The following HSPH1 variants were observed in gnomAD, a reference collection of about 807,000 sequenced individuals.
HSPH1 encodes the protein heat shock protein 105 kDa.
In HSPH1, 40 loss-of-function variants were observed where a neutral mutation model predicts 100.0. The observed-to-expected ratio is 0.40, with a 90% CI of 0.31 to 0.52. The LOEUF is 0.52. HSPH1 is among the 20% of genes least tolerant of loss of function. The pLI, the probability that HSPH1 is intolerant of heterozygous loss-of-function variation, is 0.54. For missense variants in HSPH1, 876 were observed against 1,015.1 expected (o/e 0.86, Z 1.86); for synonymous variants, 403 against 344.0 (o/e 1.17, Z -1.90).
rs1480080509 is a variant in HSPH1 at position 31,148,096 on chromosome 13, G to C, written c.1245-4C>G. ...TCGACTAAAGACTTCATGAACACTA[G>C]AGAGAAAAGAAAAAGGCATTCAGCA... On this transcript the variant is annotated splice_region_variant and splice_polypyrimidine_tract_variant and intron_variant, in intron 9 of 17. Coordinates refer to ENST00000320027, the MANE Select transcript of HSPH1 (RefSeq NM_006644.4). 4 of 1,602,272 alleles carry C rather than the reference G, an allele frequency of 2.5e-6. No individual in the cohort carries two copies. The highest frequency in any genetic ancestry group is 2.5e-6 in the Non-Finnish European group (3 of 1,176,802).
Position 31,137,298 on chromosome 13 carries a change from A to G in HSPH1, c.*20T>C. On this transcript the variant is annotated 3_prime_UTR_variant, in exon 18 of 18. Coordinates refer to ENST00000320027, the MANE Select transcript of HSPH1 (RefSeq NM_006644.4). The stretch of plus-strand genomic sequence containing the variant: ...CAAAAATATTTTATTAATTGAAGGA[A>G]TAGGCCAATTTAAGGTTATCTAGTC... The G allele has an allele frequency of 7.0e-7, 1 of 1,435,564 alleles. No individual in the cohort carries two copies. Among genetic ancestry groups the G allele is most frequent in the Non-Finnish European group, 9.7e-7 (1 of 1,026,876 alleles). The allele number at this position is 1,435,564 out of a possible 1,614,324, so 88.9% of individuals were successfully genotyped here.
chr13:31,149,065 G>A (rs766910497), intron 8 of HSPH1, among the ~76,000 whole-genome samples: 5 of 152,006 alleles, frequency 3.3e-5, no homozygotes, highest in Admixed American at 2.0e-4. Flanking sequence ...TTTACTATAG[G>A]ATCCTTCAAA....
intron 1 of HSPH1, among the ~76,000 whole-genome samples, chr13:31,161,223 ACCCTTAGAGT>A (rs1956894914): frequency 6.6e-6 from 1 of 151,912 alleles, no homozygotes; most frequent in South Asian, 2.1e-4. Flanking sequence ...CAAGGTGACG[ACCCTTAGAGT>A]CTCGACTCTG....
chr13:31,143,168 C>A (rs1046630891), intron 12 of HSPH1, among the ~76,000 whole-genome samples: 5 of 152,042 alleles, frequency 3.3e-5, no homozygotes. Flanking sequence ...TACGGTGATT[C>A]ATAGTTAACA....
chr13:31,152,628 A>T (rs1329984381), intron 5 of HSPH1: 1 of 306,766 alleles, frequency 3.3e-6, no homozygotes, highest in Non-Finnish European at 6.1e-6. Context: ...TTTTCAAAGG[A>T]TTAAAAAACA....
intron 12 of HSPH1, among the ~76,000 whole-genome samples, chr13:31,142,939 T>C (rs557481331): frequency 2.6e-5 from 4 of 152,170 alleles, no homozygotes; most frequent in Admixed American, 6.6e-5. Flanking sequence ...TCAGGACCCA[T>C]AGCTCACATT....
rs747723825 is a variant in HSPH1 at position 31,161,654 on chromosome 13, CGCCGCTTTCTGCCCTG to C, written c.-88_-73del. The stretch of plus-strand genomic sequence containing the variant: ...CCGGCCCCCTGCCTGCTTCTCCTGC[CGCCGCTTTCTGCCCTG>C]GCCGCGTTCTGCTCCGGCCCGCGGG... On this transcript the variant is annotated 5_prime_UTR_variant, in exon 1 of 18. Coordinates refer to ENST00000320027, the MANE Select transcript of HSPH1 (RefSeq NM_006644.4). The C allele has an allele frequency of 3.1e-6, 5 of 1,590,132 alleles. No homozygotes were observed. Among genetic ancestry groups the C allele is most frequent in the Non-Finnish European group, 4.3e-6 (5 of 1,174,002 alleles).
intron 8 of HSPH1, among the ~76,000 whole-genome samples, chr13:31,148,862 T>C (rs958593329): frequency 1.3e-5 from 2 of 152,072 alleles, no homozygotes; most frequent in African/African-American, 4.8e-5. Context: ...TTTCCAAATG[T>C]CTGAGAAACC....
upstream of HSPH1, chr13:31,162,166 G>A: frequency 1.5e-6 from 2 of 1,350,034 alleles, no homozygotes; most frequent in Non-Finnish European, 2.0e-6. Flanking sequence ...AGCCACAGGC[G>A]TTTTGCTGCC....
At chr13:31,153,048 T>C in intron 4 of HSPH1, 97 bp from the exon 5 acceptor site, 1 of 798,136 alleles carries the variant, frequency 1.3e-6, no homozygotes, top group Non-Finnish European at 2.1e-6. Context: ...TCCAGCTAAG[T>C]AGGTGCCTCG....
intron 11 of HSPH1, among the ~76,000 whole-genome samples, chr13:31,145,112 T>C (rs1196767100): frequency 1.3e-5 from 2 of 152,160 alleles, no homozygotes; most frequent in East Asian, 1.9e-4. Flanking sequence ...CCTCCCACCA[T>C]ACAGAAAACC....
At chr13:31,138,267 A>G in intron 17 of HSPH1, 140 bp downstream of exon 17, 1 of 762,624 alleles carries the variant, frequency 1.3e-6, no homozygotes, top group South Asian at 1.7e-5. Context: ...TTTGTGACAG[A>G]ATAATAGACT....
intron 13 of HSPH1, 45 bp from the exon 14 acceptor site, chr13:31,140,354 C>G: frequency 6.3e-7 from 1 of 1,576,618 alleles, no homozygotes; most frequent in Non-Finnish European, 8.6e-7. Flanking sequence ...CTAGTTAACT[C>G]AAGCTAAATT....
upstream of HSPH1, chr13:31,162,007 T>G (rs2137684762): frequency 2.0e-6 from 3 of 1,536,128 alleles, no homozygotes; most frequent in East Asian, 4.9e-5. Context: ...CCCCTCCACG[T>G]GCCACTTCCG....
intron 4 of HSPH1, 139 bp downstream of exon 4, chr13:31,154,494 C>G (rs758341786): frequency 1.0e-6 from 1 of 979,404 alleles, no homozygotes; most frequent in Non-Finnish European, 1.6e-6. Context: ...TTGTAATGCT[C>G]TGGAACACAT....
At chr13:31,141,319 A>C in intron 12 of HSPH1, 60 bp from the exon 13 acceptor site, 1 of 1,419,590 alleles carries the variant, frequency 7.0e-7, no homozygotes, top group Non-Finnish European at 9.6e-7. Flanking sequence ...AAAAACACAA[A>C]AAAAATGTCC....
chr13:31,145,797 A>G (rs1352571977), intron 10 of HSPH1, 29 bp from the exon 11 acceptor site: 8 of 1,596,312 alleles, frequency 5.0e-6, no homozygotes, highest in African/African-American at 1.3e-5. Flanking sequence ...AAATCACAAA[A>G]TCACAATTTA....
chr13:31,143,661 A>G (rs1381954538), intron 12 of HSPH1, 131 bp downstream of exon 12: 37 of 825,444 alleles, frequency 4.5e-5, no homozygotes, highest in Non-Finnish European at 3.6e-6. Context: ...ATACATAGAA[A>G]ATCAACAGAA....
rs568109260 is a variant in HSPH1 at position 31,135,632 on chromosome 13, G to A, written c.*1686C>T. On this transcript the variant is annotated 3_prime_UTR_variant, in exon 18 of 18. Coordinates refer to ENST00000320027, the MANE Select transcript of HSPH1 (RefSeq NM_006644.4). ...CACCTATCAGACGTACAAATGACGAGCTACCTGGTCTAGATGGAATGAAGT... is the reference window on the plus strand; with the variant it reads ...CACCTATCAGACGTACAAATGACGAACTACCTGGTCTAGATGGAATGAAGT... The A allele has an allele frequency of 2.0e-5, 3 of 152,302 alleles. No individual in the cohort carries two copies. Among genetic ancestry groups the A allele is most frequent in the Non-Finnish European group, 2.9e-5 (2 of 68,034 alleles). 9.4% of individuals were successfully genotyped at this position (152,302 alleles called of 1,614,324 possible).
Sources: allele counts gnomAD v4.1 joint callset (sites outside exome capture counted in the v4.1 genomes callset), GRCh38; gene constraint gnomAD v4.1.1; transcripts MANE v1.5; gene names NCBI Gene and HGNC (gene_info 2026-07-23, HGNC 2026-07-21).